Variants in PTPRN2 observed in about 807,000 individuals in gnomAD.
PTPRN2 encodes the protein receptor-type tyrosine-protein phosphatase N2.
PTPRN2 carries 74 observed loss-of-function variants against 118.8 expected under a neutral mutation model. The ratio of observed to expected loss-of-function variants is 0.62; its 90% confidence interval spans 0.52 to 0.76. PTPRN2 has a LOEUF of 0.76. Among genes scored for constraint, PTPRN2 ranks in the 30% least tolerant of loss-of-function variants. PTPRN2 has a pLI of 0.00. For synonymous variants in PTPRN2, 641 were observed against 608.0 expected (o/e 1.05, Z -0.80); for missense variants, 1,481 against 1,394.4 (o/e 1.06, Z -0.99).
chr7:158,087,737 T>C lies in PTPRN2; in HGVS notation c.1644-6360A>G, dbSNP rs1379645202. On this transcript the variant is annotated intron_variant, in intron 10 of 22. Transcript: ENST00000389418. Reference sequence around the variant, plus strand: ...AGTCTTCACACAAACCTTCTTCCCTTGATGAAAGAGGGAGTCTTCACACAC... The same window carrying C: ...AGTCTTCACACAAACCTTCTTCCCTCGATGAAAGAGGGAGTCTTCACACAC... 5.3e-4 allele frequency among the ~76,000 whole-genome samples: 59 copies of C among 112,310 alleles called. 2 individuals carry two copies. The highest frequency in any genetic ancestry group is 1.8e-3 in the African/African-American group (59 of 32,474). The allele number at this position is 112,310 out of a possible 152,430, so 73.7% of individuals were successfully genotyped here. A position where few individuals can be genotyped will look rare whatever the true frequency, so the allele number is the denominator to read the frequency against.
chr7:157,660,567 G>C (rs1795837078), intron 13 of PTPRN2, among the ~76,000 whole-genome samples: 1 of 152,146 alleles, frequency 6.6e-6, no homozygotes, highest in Admixed American at 6.5e-5. Context: ...TAGTTACTGT[G>C]AAGATTAAAA....
rs543026438 is a variant in PTPRN2 at position 157,669,722 on chromosome 7, T to C, written c.2001+13003A>G. Among the ~76,000 whole-genome samples, 19 of 152,266 alleles carry C rather than the reference T, an allele frequency of 1.2e-4. No individual in the cohort carries two copies. The East Asian group carries it at 3.3e-3, about 26-fold the overall frequency. ...GTAAGTGAAAAATAATTTTCAACAC[T>C]CTTCTAAATGTGGAACAGTCTTGGA... On this transcript the variant is annotated intron_variant, in intron 13 of 22. Coordinates refer to ENST00000389418, the MANE Select transcript of PTPRN2 (RefSeq NM_002847.5).
chr7:158,253,462 G>A (rs933794386), intron 3 of PTPRN2, among the ~76,000 whole-genome samples: 1 of 152,202 alleles, frequency 6.6e-6, no homozygotes, highest in South Asian at 2.1e-4. Context: ...TCCAGTCACC[G>A]GGTGATTGCC....
At chr7:157,697,553 C>T (rs1218019279) in intron 12 of PTPRN2, among the ~76,000 whole-genome samples, 6 of 141,058 alleles carry the variant, frequency 4.3e-5, no homozygotes, top group East Asian at 2.2e-4. Context: ...GAGCCCTCAC[C>T]ATCTACCCAT....
Position 158,310,471 on chromosome 7 carries a change from A to G in PTPRN2, c.277+6348T>C, listed in dbSNP as rs558025767. On this transcript the variant is annotated intron_variant, in intron 3 of 22. Coordinates refer to ENST00000389418, the MANE Select transcript of PTPRN2 (RefSeq NM_002847.5). ...GTGAGGACCATGGCCGAATGCGTTCATGCTCTGGGCTCCTGTGGAAGGTAG... is the reference window on the plus strand; with the variant it reads ...GTGAGGACCATGGCCGAATGCGTTCGTGCTCTGGGCTCCTGTGGAAGGTAG... Among the ~76,000 whole-genome samples, 274 of 152,338 alleles carry G rather than the reference A, an allele frequency of 1.8e-3. 1 individual carries two copies. The highest frequency in any genetic ancestry group is 2.2e-3 in the Non-Finnish European group (152 of 68,024).
At chr7:158,330,030 G>A (rs188332488) in intron 2 of PTPRN2, among the ~76,000 whole-genome samples, 7 of 150,078 alleles carry the variant, frequency 4.7e-5, no homozygotes, top group Admixed American at 2.0e-4. Context: ...CACCATAAGA[G>A]GTGACATCTG....
chr7:158,512,219 G>T (rs1823231207), intron 1 of PTPRN2, among the ~76,000 whole-genome samples: 1 of 152,206 alleles, frequency 6.6e-6, no homozygotes, highest in Non-Finnish European at 1.5e-5. Context: ...GAAAGGAAAA[G>T]ATCCTGTCTA....
At chr7:158,331,188 G>A (rs534811490) in intron 2 of PTPRN2, among the ~76,000 whole-genome samples, 18 of 109,672 alleles carry the variant, frequency 1.6e-4, no homozygotes, top group South Asian at 3.4e-4. Flanking sequence ...GCTGTCACAC[G>A]CAGACGTCAC....
intron 3 of PTPRN2, among the ~76,000 whole-genome samples, chr7:158,227,121 G>A (rs2150811479): frequency 6.6e-6 from 1 of 152,268 alleles, no homozygotes; most frequent in African/African-American, 2.4e-5. Flanking sequence ...ATGGGAGGAG[G>A]GAGGTCAGTT....
At position 157,595,251 on chromosome 7, in the gene PTPRN2, G is replaced by A; in HGVS notation, c.2483C>T (p.Ala828Val). 1 of 1,614,198 alleles carries A rather than the reference G, an allele frequency of 6.2e-7. No individual in the cohort carries two copies. Among genetic ancestry groups the A allele is most frequent in the Non-Finnish European group, 8.5e-7 (1 of 1,180,024 alleles). Residue 828 changes from alanine to valine, a missense_variant, in exon 17 of 23, where the codon GCT becomes GTT. This residue lies in a region of PTPRN2 where 362 missense variants were observed against 384.1 expected (regional missense o/e 0.94). Coordinates refer to ENST00000389418, the MANE Select transcript of PTPRN2 (RefSeq NM_002847.5). ...ATQGPLPATV[A>V]DFWQMVWESG... ...AAAAATGTTCACCTGCCAAAAGTCA[G>A]CCACGGTGGCGGGCAGCGGTCCCTG... is the stretch of plus-strand genomic sequence containing the variant.
In PTPRN2 at chr7:158,236,321, T is replaced by G. The variant is rs571840911; in HGVS notation, c.278-31048A>C. 1.1e-4 allele frequency among the ~76,000 whole-genome samples: 17 copies of G among 152,112 alleles called. No individual in the cohort carries two copies. In the South Asian group the frequency reaches 3.5e-3, roughly 32 times the overall value. On this transcript the variant is annotated intron_variant, in intron 3 of 22. Transcript: ENST00000389418. ...CAGCTTCTCCTCTCCCTTCTCCTCCTCAGATCTAGGTAGGGCCGCTTGTGC... is the reference window on the plus strand; with the variant it reads ...CAGCTTCTCCTCTCCCTTCTCCTCCGCAGATCTAGGTAGGGCCGCTTGTGC...
Position 157,618,091 on chromosome 7 carries a change from T to C in PTPRN2, c.2344+3271A>G, listed in dbSNP as rs955570741. 9.2e-5 allele frequency: 14 copies of C among 152,202 alleles called. No homozygotes were observed. Among genetic ancestry groups the C allele is most frequent in the African/African-American group, 3.1e-4 (13 of 41,430 alleles). The allele number at this position is 152,202 out of a possible 1,614,324, so 9.4% of individuals were successfully genotyped here. A position where few individuals can be genotyped will look rare whatever the true frequency, so the allele number is the denominator to read the frequency against. On this transcript the variant is annotated intron_variant, in intron 15 of 22. Coordinates refer to ENST00000389418, the MANE Select transcript of PTPRN2 (RefSeq NM_002847.5). This position sits in a 1 kb window ranked among gnomAD's most constrained non-coding sequence, Gnocchi z 4.2. ...GGTGCCAGCCAAGCATTGCATAATG[T>C]GTGTTTCCTTCTCCTTTGGGGGCTC... is the stretch of plus-strand genomic sequence containing the variant.
chr7:157,623,559 G>A (rs1355179777), intron 14 of PTPRN2, among the ~76,000 whole-genome samples: 2 of 152,132 alleles, frequency 1.3e-5, no homozygotes, highest in African/African-American at 2.4e-5. Flanking sequence ...ATCTTAATTC[G>A]TATAAACTAC....
intron 21 of PTPRN2, among the ~76,000 whole-genome samples, chr7:157,549,322 CTTTTT>C (rs5888720): frequency 7.2e-6 from 1 of 139,510 alleles, no homozygotes; most frequent in African/African-American, 2.6e-5. Flanking sequence ...TCTTTCTTTT[CTTTTT>C]TTTTTTTTTT....
chr7:158,332,026 C>A (rs1358952076), intron 2 of PTPRN2, among the ~76,000 whole-genome samples: 2 of 151,128 alleles, frequency 1.3e-5, no homozygotes, highest in Non-Finnish European at 1.5e-5. Context: ...GCAAACGTCA[C>A]TGACACCCAC....
intron 12 of PTPRN2, among the ~76,000 whole-genome samples, chr7:157,783,347 C>T (rs1271752859): frequency 6.6e-6 from 1 of 151,548 alleles, no homozygotes; most frequent in Non-Finnish European, 1.5e-5. Context: ...AATGGACACT[C>T]CCATGCACAG....
intron 22 of PTPRN2, among the ~76,000 whole-genome samples, chr7:157,546,804 G>A (rs953441287): frequency 3.3e-5 from 5 of 152,220 alleles, no homozygotes; most frequent in Non-Finnish European, 7.3e-5. Flanking sequence ...GAGTCCCAAA[G>A]CACCTCACTT....
rs534631809 is a variant in PTPRN2 at position 157,629,176 on chromosome 7, G to A, written c.2197-7667C>T. On this transcript the variant is annotated intron_variant, in intron 14 of 22. Coordinates refer to ENST00000389418, the MANE Select transcript of PTPRN2 (RefSeq NM_002847.5). The surrounding 1 kb of genome is among the most constrained non-coding windows in gnomAD (Gnocchi z 4.4). Reference sequence around the variant, plus strand: ...CCAGATGTGGTTCCATGTGAATCCCGTCCACAGGCACTGGGATCCTGGGTC... The same window carrying A: ...CCAGATGTGGTTCCATGTGAATCCCATCCACAGGCACTGGGATCCTGGGTC... Among the ~76,000 whole-genome samples the A allele has an allele frequency of 2.8e-4, 43 of 152,206 alleles. No homozygotes were observed. The South Asian group carries it at 8.9e-3, about 32-fold the overall frequency.
intron 2 of PTPRN2, among the ~76,000 whole-genome samples, chr7:158,374,050 C>T (rs1267959393): frequency 2.6e-5 from 4 of 152,214 alleles, no homozygotes; most frequent in South Asian, 2.1e-4. Context: ...GACGCCCACG[C>T]GCCCGGCACT....
Sources: allele counts gnomAD v4.1 joint callset (sites outside exome capture counted in the v4.1 genomes callset), GRCh38; gene constraint gnomAD v4.1.1; regional missense constraint gnomAD v4.1.1; non-coding constraint Gnocchi (gnomAD v3.1); transcripts MANE v1.5; gene names NCBI Gene and HGNC (gene_info 2026-07-23, HGNC 2026-07-21).